Variants in HECW2 observed in about 807,000 individuals in gnomAD.
HECW2 encodes HECT, C2 and WW domain containing E3 ubiquitin protein ligase 2.
HECW2 carries 61 observed loss-of-function variants against 175.2 expected under a neutral mutation model. That is an observed-to-expected ratio of 0.35 (90% CI 0.28 to 0.43). The LOEUF (loss-of-function observed/expected upper bound fraction) is 0.43, where lower values mean the gene tolerates loss of function less well. HECW2 is among the 20% of genes least tolerant of loss of function. HECW2 has a pLI of 1.00. For missense variants in HECW2, 1,524 were observed against 2,000.5 expected, an observed-to-expected ratio of 0.76 and a Z score of 4.54; for synonymous variants, 671 against 731.0, an observed-to-expected ratio of 0.92 and a Z score of 1.32.
intron 6 of HECW2, among the ~76,000 whole-genome samples, chr2:196,324,425 T>C (rs1468153222): frequency 5.9e-5 from 9 of 152,206 alleles, no homozygotes; most frequent in Non-Finnish European, 8.8e-5. Context: ...ATCAACACAA[T>C]CTGGCTTCAC....
chr2:196,377,730 A>G (rs1442264783), intron 2 of HECW2, among the ~76,000 whole-genome samples: 1 of 152,226 alleles, frequency 6.6e-6, no homozygotes, highest in East Asian at 1.9e-4. Context: ...TTAATGCATG[A>G]ATGAAGCAAA....
chr2:196,579,715 G>A (rs1690699139), intron 1 of HECW2, among the ~76,000 whole-genome samples: 1 of 152,118 alleles, frequency 6.6e-6, no homozygotes, highest in South Asian at 2.1e-4. Flanking sequence ...GAGGCCATTA[G>A]TATAGACCTT....
At chr2:196,422,515 A>G (rs1175401756) in intron 2 of HECW2, among the ~76,000 whole-genome samples, 1 of 152,126 alleles carries the variant, frequency 6.6e-6, no homozygotes, top group African/African-American at 2.4e-5. Context: ...TATGGAAAAA[A>G]TAAAGAAGGT....
At chr2:196,314,367 A>G (rs2105738310) in intron 10 of HECW2, among the ~76,000 whole-genome samples, 1 of 152,334 alleles carries the variant, frequency 6.6e-6, no homozygotes, top group South Asian at 2.1e-4. Context: ...GTGGTGCCCA[A>G]TAAATAACAT....
chr2:196,462,701 T>C (rs1696795393), intron 1 of HECW2, among the ~76,000 whole-genome samples: 1 of 150,894 alleles, frequency 6.6e-6, no homozygotes, highest in African/African-American at 2.4e-5. Flanking sequence ...CGAAAAAAGA[T>C]GTTGAACAAA....
At chr2:196,464,985 G>A (rs370194526) in intron 1 of HECW2, among the ~76,000 whole-genome samples, 228 of 152,174 alleles carry the variant, frequency 1.5e-3, no homozygotes, top group Non-Finnish European at 2.6e-3. Flanking sequence ...GAGGTGAGCC[G>A]AAATCGCGCC....
Position 196,339,539 on chromosome 2 carries a change from C to G in HECW2, c.400+4118G>C, listed in dbSNP as rs149833123. On this transcript the variant is annotated intron_variant, in intron 3 of 28. Transcript: ENST00000644978. ...CATTGATACAAGATTTAGTGAGCACCTAGAATAAGACCCAGCACAAAGGTA... is the reference window on the plus strand; with the variant it reads ...CATTGATACAAGATTTAGTGAGCACGTAGAATAAGACCCAGCACAAAGGTA... Among the ~76,000 whole-genome samples the G allele has an allele frequency of 1.0e-3, 159 of 152,192 alleles. 2 individuals carry two copies. The highest frequency in any genetic ancestry group is 3.7e-3 in the African/African-American group (152 of 41,514).
chr2:196,339,464 C>T (rs1053453080), intron 3 of HECW2, among the ~76,000 whole-genome samples: 5 of 152,274 alleles, frequency 3.3e-5, no homozygotes, highest in African/African-American at 1.2e-4. Flanking sequence ...GATCACATAT[C>T]AATTCAGTAC....
At chr2:196,379,509 C>A (rs1395980066) in intron 2 of HECW2, among the ~76,000 whole-genome samples, 1 of 151,820 alleles carries the variant, frequency 6.6e-6, no homozygotes, top group East Asian at 1.9e-4. Flanking sequence ...CATGGTGAAA[C>A]CCCGTCTCTA....
At chr2:196,203,669 C>T (rs1242286178) in intron 28 of HECW2, among the ~76,000 whole-genome samples, 1 of 152,166 alleles carries the variant, frequency 6.6e-6, no homozygotes, top group Non-Finnish European at 1.5e-5. Context: ...ATGTTCATCT[C>T]TCTTGCCCGA....
chr2:196,273,611 T>C (rs1357155760), intron 16 of HECW2, among the ~76,000 whole-genome samples: 2 of 152,226 alleles, frequency 1.3e-5, no homozygotes, highest in Non-Finnish European at 2.9e-5. Context: ...CTCTCTTTGA[T>C]TGTTTATTTT....
At chr2:196,573,955 A>G (rs1281911277) in intron 1 of HECW2, among the ~76,000 whole-genome samples, 2 of 152,066 alleles carry the variant, frequency 1.3e-5, no homozygotes, top group Admixed American at 1.3e-4. Flanking sequence ...CTGAGGCAAG[A>G]GGATTGCCTG....
chr2:196,306,298 C>T (rs560027375), intron 13 of HECW2, among the ~76,000 whole-genome samples, 190 bp downstream of exon 13: 1 of 152,330 alleles, frequency 6.6e-6, no homozygotes, highest in South Asian at 2.1e-4. Context: ...TTTGTTATAG[C>T]AGCCCAATGA....
intron 19 of HECW2, among the ~76,000 whole-genome samples, chr2:196,247,520 C>T (rs1408411228): frequency 6.6e-6 from 1 of 152,108 alleles, no homozygotes; most frequent in African/African-American, 2.4e-5. Context: ...ATCAATGTTA[C>T]ATCAAATGAA....
chr2:196,370,484 G>C (rs529560697), intron 2 of HECW2, among the ~76,000 whole-genome samples: 3 of 152,096 alleles, frequency 2.0e-5, no homozygotes, highest in Admixed American at 1.3e-4. Flanking sequence ...GTGCTGCCTG[G>C]GGGTGGGAGA....
chr2:196,253,980 G>A lies in HECW2; in HGVS notation c.3469C>T (p.His1157Tyr). 1 of 1,614,032 alleles carries A rather than the reference G, an allele frequency of 6.2e-7. No individual in the cohort carries two copies. The highest frequency in any genetic ancestry group is 8.5e-7 in the Non-Finnish European group (1 of 1,179,922). ...CGTGGGGACTGACAGTAGCTGGGGT[G>A]GAGTAAGGCATGTGGAGGCACATAC... ...MSYVPPHALL[H>Y]PSYCQSPRGS... Residue 1157 changes from histidine to tyrosine, a missense_variant, in exon 19 of 29, where the codon CAC becomes TAC. Coordinates refer to ENST00000644978, the MANE Select transcript of HECW2 (RefSeq NM_001348768.2).
chr2:196,418,387 CA>C (rs755400728), intron 2 of HECW2, among the ~76,000 whole-genome samples: 44 of 152,094 alleles, frequency 2.9e-4, no homozygotes, highest in South Asian at 8.3e-4. Flanking sequence ...CTCGGCCTCC[CA>C]AAGTGCTGTG....
intron 7 of HECW2, 73 bp downstream of exon 7, chr2:196,322,405 C>T: frequency 7.7e-7 from 1 of 1,303,560 alleles, no homozygotes; most frequent in Non-Finnish European, 1.1e-6. Flanking sequence ...AGTCCTAGGA[C>T]TACCAAGTTT....
rs563029404 is a variant in HECW2, at chr2:196,276,685, C to G, written c.3135+1843G>C. The stretch of plus-strand genomic sequence containing the variant: ...AGTTCACCACTAATGGGTTACATGA[C>G]AGCAAGGTAAAGATTTATTAGCTAC... On this transcript the variant is annotated intron_variant, in intron 15 of 28. Transcript: ENST00000644978. 2.6e-5 allele frequency among the ~76,000 whole-genome samples: 4 copies of G among 152,166 alleles called. No homozygotes were observed. In the South Asian group the frequency reaches 6.2e-4, roughly 24 times the overall value.
Sources: allele counts gnomAD v4.1 joint callset (sites outside exome capture counted in the v4.1 genomes callset), GRCh38; gene constraint gnomAD v4.1.1; transcripts MANE v1.5; gene names NCBI Gene and HGNC (gene_info 2026-07-23, HGNC 2026-07-21).